Variants in ACACA observed in about 807,000 individuals in gnomAD.
ACACA encodes acetyl-CoA carboxylase alpha, also known as acetyl-CoA carboxylase 1.
A neutral mutation model predicts 296.1 loss-of-function variants in ACACA; 103 were observed. That is an observed-to-expected ratio of 0.35 (90% confidence interval 0.30 to 0.41). ACACA has a LOEUF of 0.41. ACACA is among the 10% of genes least tolerant of loss of function. The pLI, the probability that ACACA is intolerant of heterozygous loss-of-function variation, is 1.00. For missense variants in ACACA, 1,554 were observed against 2,989.7 expected (o/e 0.52, Z 11.20); for synonymous variants, 953 against 1,038.6 (o/e 0.92, Z 1.58).
rs1407208261 is a variant in ACACA, at chr17:37,200,197, G to C, written c.4114-14C>G. 1.2e-6 allele frequency: 2 copies of C among 1,603,310 alleles called. No homozygotes were observed. The highest frequency in any genetic ancestry group is 1.7e-6 in the Non-Finnish European group (2 of 1,170,476). ...CTTTCTGAAATCCTTTCAAATAAAA[G>C]AGAGAAAGGAAGGAAAGACAGCAGA... On this transcript the variant is annotated splice_polypyrimidine_tract_variant and intron_variant, in intron 34 of 55. Transcript: ENST00000616317.
chr17:37,129,125 G>A (rs980353658), intron 47 of ACACA, among the ~76,000 whole-genome samples: 8 of 152,150 alleles, frequency 5.3e-5, no homozygotes, highest in African/African-American at 1.4e-4. Context: ...AAATGTATTC[G>A]TGACTGCACT....
intron 10 of ACACA, among the ~76,000 whole-genome samples, chr17:37,266,424 A>C (rs894901805): frequency 4.3e-4 from 65 of 151,088 alleles, no homozygotes; most frequent in South Asian, 8.3e-4. Flanking sequence ...AAGAAAACAA[A>C]AAAAAAAAAG....
intron 14 of ACACA, among the ~76,000 whole-genome samples, chr17:37,254,265 T>C (rs1002848373): frequency 1.3e-5 from 2 of 152,110 alleles, no homozygotes; most frequent in African/African-American, 4.8e-5. Flanking sequence ...TCATGAAAAA[T>C]GTGGAAACTG....
chr17:37,205,274 C>A (rs571577754), intron 33 of ACACA, among the ~76,000 whole-genome samples: 9 of 151,830 alleles, frequency 5.9e-5, no homozygotes, highest in Non-Finnish European at 1.2e-4. Context: ...TGGAGAGGGA[C>A]GAGAAGAGGT....
chr17:37,316,539 G>A (rs899650526), intron 3 of ACACA, among the ~76,000 whole-genome samples: 1 of 152,150 alleles, frequency 6.6e-6, no homozygotes, highest in Non-Finnish European at 1.5e-5. Context: ...AGAACCCTCT[G>A]AAGTAGTGTC....
chr17:37,335,095 A>G (rs2048054640), intron 2 of ACACA, among the ~76,000 whole-genome samples: 1 of 151,546 alleles, frequency 6.6e-6, no homozygotes, highest in Admixed American at 6.6e-5. Context: ...GGTACATAGC[A>G]CCCCTGGCCC....
At chr17:37,303,695 T>C (rs2083737011) in intron 3 of ACACA, among the ~76,000 whole-genome samples, 1 of 152,108 alleles carries the variant, frequency 6.6e-6, no homozygotes, top group Non-Finnish European at 1.5e-5. Context: ...CCATCTCTAC[T>C]AAAAATACAA....
intron 28 of ACACA, 29 bp downstream of exon 28, chr17:37,223,483 G>T (rs372913442): frequency 3.4e-5 from 52 of 1,514,290 alleles, no homozygotes; most frequent in Non-Finnish European, 1.8e-6. Flanking sequence ...CAAAGGAAAA[G>T]GTCATGTCCC....
intron 5 of ACACA, 142 bp from the exon 6 acceptor site, chr17:37,278,147 T>C: frequency 1.4e-6 from 1 of 711,150 alleles, no homozygotes; most frequent in East Asian, 2.7e-5. Flanking sequence ...TCCAGGACCA[T>C]TTAGTTCGAG....
chr17:37,324,046 CA>C (rs1283729651), intron 3 of ACACA, among the ~76,000 whole-genome samples: 1 of 152,164 alleles, frequency 6.6e-6, no homozygotes. Context: ...GCCTGGCCAA[CA>C]TGGTGAAACC....
rs186348650 is a variant in ACACA at position 37,242,685 on chromosome 17, C to A, written c.2932-632G>T. On this transcript the variant is annotated intron_variant, in intron 22 of 55. Coordinates refer to ENST00000616317, the MANE Select transcript of ACACA (RefSeq NM_198834.3). ...GGTCAAGGCTACAGCGAGCCATGAC[C>A]GCACCACTGCACTCCAGCCTTGGCG... Among the ~76,000 whole-genome samples, 4 of 152,114 alleles carry A rather than the reference C, an allele frequency of 2.6e-5. No homozygotes were observed. The East Asian group carries it at 7.7e-4, about 29-fold the overall frequency.
intron 1 of ACACA, among the ~76,000 whole-genome samples, chr17:37,404,384 G>T (rs2051393217): frequency 6.6e-6 from 1 of 152,004 alleles, no homozygotes; most frequent in Non-Finnish European, 1.5e-5. Flanking sequence ...GCCTTAGAGA[G>T]CAATTTAAAA....
chr17:37,266,007 C>T (rs2081751350), intron 10 of ACACA, among the ~76,000 whole-genome samples: 1 of 152,124 alleles, frequency 6.6e-6, no homozygotes, highest in Non-Finnish European at 1.5e-5. Context: ...TTGTGGGTTT[C>T]CTATGAATCA....
intron 29 of ACACA, among the ~76,000 whole-genome samples, chr17:37,220,363 C>T (rs1180754639): frequency 6.6e-6 from 1 of 152,060 alleles, no homozygotes; most frequent in African/African-American, 2.4e-5. Context: ...CAAATCACTG[C>T]CCAAAGGGAA....
At chr17:37,388,730 C>T (rs2050661189) in intron 1 of ACACA, 4 of 1,611,990 alleles carry the variant, frequency 2.5e-6, no homozygotes, top group Non-Finnish European at 3.4e-6. Context: ...ATTCTGATTG[C>T]TGTCACCCTG....
At chr17:37,250,952 G>A (rs1284584310) in intron 16 of ACACA, among the ~76,000 whole-genome samples, 4 of 151,240 alleles carry the variant, frequency 2.6e-5, no homozygotes, top group Admixed American at 6.6e-5. Context: ...GCGTGAACCC[G>A]AGAGGCGGAC....
chr17:37,252,952 A>G lies in ACACA; in HGVS notation c.1911T>C (p.Thr637=), dbSNP rs760038491. 7.4e-6 allele frequency: 12 copies of G among 1,614,240 alleles called. No individual in the cohort carries two copies. In the Admixed American group the frequency reaches 1.8e-4, roughly 25 times the overall value. The part of the protein sequence containing the change: ...TVEYLIKLLE[T]ESFQMNRIDT... ...CAATTCTGTTCATCTGAAAGCTTTCAGTCTCTAACAATTTGATCAGGTATT... is the reference window on the plus strand; with the variant it reads ...CAATTCTGTTCATCTGAAAGCTTTCGGTCTCTAACAATTTGATCAGGTATT... The change falls in exon 15 of 56, where the codon ACT becomes ACC. Residue 637 remains threonine (T), a synonymous_variant. Coordinates refer to ENST00000616317, the MANE Select transcript of ACACA (RefSeq NM_198834.3).
At chr17:37,216,208 G>GTGTATATATA (rs1392164501) in intron 29 of ACACA, among the ~76,000 whole-genome samples, 1 of 144,078 alleles carries the variant, frequency 6.9e-6, no homozygotes, top group African/African-American at 2.5e-5. Context: ...GTGTGTGTGT[G>GTGTATATATA]TATATATATA....
chr17:37,097,853 T>A lies in ACACA; in HGVS notation c.6697A>T (p.Met2233Leu), dbSNP rs557935555. The A allele has an allele frequency of 2.5e-6, 4 of 1,614,184 alleles. No homozygotes were observed. In the South Asian group the frequency reaches 4.4e-5, roughly 18 times the overall value. Reference protein sequence around the residue: ...FADLHDTPGRMQEKGVISDIL... With the variant: ...FADLHDTPGRLQEKGVISDIL... ...ACGCTAATAACACCCTTCTCCTGCA[T>A]CCGGCCTGGTGTGTCGTGCAAGTCA... Residue 2233 changes from methionine to leucine, a missense_variant, in exon 53 of 56, where the codon ATG becomes TTG. Transcript: ENST00000616317. The surrounding 1 kb of genome is among the most constrained non-coding windows in gnomAD (Gnocchi z 4.8).
Sources: allele counts gnomAD v4.1 joint callset (sites outside exome capture counted in the v4.1 genomes callset), GRCh38; gene constraint gnomAD v4.1.1; non-coding constraint Gnocchi (gnomAD v3.1); transcripts MANE v1.5; gene names NCBI Gene and HGNC (gene_info 2026-07-23, HGNC 2026-07-21).